Variants in ANO2 observed in about 807,000 individuals in gnomAD.
ANO2 encodes anoctamin-2.
In ANO2, 101 loss-of-function variants were observed where a neutral mutation model predicts 124.2. The ratio of observed to expected loss-of-function variants is 0.81; its 90% CI spans 0.69 to 0.96. The LOEUF is 0.96. ANO2 is among the 40% of genes least tolerant of loss of function. ANO2 has a pLI of 0.00. For synonymous variants in ANO2, 486 were observed against 482.5 expected, an observed-to-expected ratio of 1.01 and a Z score of -0.09; for missense variants, 1,293 against 1,274.5, an observed-to-expected ratio of 1.01 and a Z score of -0.22.
rs1229818376 is a variant in ANO2 at position 5,739,312 on chromosome 12, C to T, written c.1434+5G>A. ...AGTATGTGAGAAATACGTGAGAGAA[C>T]TCACTTCTTCCTCTTCTATGCCAGT... On this transcript the variant is annotated splice_donor_5th_base_variant and intron_variant, in intron 13 of 24. Transcript: ENST00000682330. The T allele has an allele frequency of 6.3e-7, 1 of 1,594,954 alleles. No individual in the cohort carries two copies. Among genetic ancestry groups the T allele is most frequent in the Non-Finnish European group, 8.5e-7 (1 of 1,169,944 alleles).
At chr12:5,926,099 G>T (rs1252199699) in intron 1 of ANO2, among the ~76,000 whole-genome samples, 5 of 152,020 alleles carry the variant, frequency 3.3e-5, no homozygotes, top group African/African-American at 9.7e-5. Context: ...AGCATTTCCT[G>T]CTCCTGCAAA....
intron 3 of ANO2, among the ~76,000 whole-genome samples, chr12:5,890,662 CAG>C (rs1440156875): frequency 4.6e-5 from 7 of 152,338 alleles, no homozygotes; most frequent in South Asian, 2.1e-4. Context: ...GCATAGGAAA[CAG>C]GGGCATCCCT....
At chr12:5,856,906 C>G (rs765618114) in intron 3 of ANO2, among the ~76,000 whole-genome samples, 4 of 152,226 alleles carry the variant, frequency 2.6e-5, no homozygotes, top group Non-Finnish European at 5.9e-5. Flanking sequence ...TGCATCTCCA[C>G]TCTCCTCAAA....
intron 14 of ANO2, among the ~76,000 whole-genome samples, chr12:5,685,870 G>A (rs149192793): frequency 3.9e-5 from 6 of 152,278 alleles, no homozygotes; most frequent in South Asian, 2.1e-4. Flanking sequence ...GAATGGTGAC[G>A]TAGGCTTCTC....
chr12:5,833,697 G>C (rs758943536), intron 4 of ANO2, among the ~76,000 whole-genome samples: 1 of 152,130 alleles, frequency 6.6e-6, no homozygotes, highest in Non-Finnish European at 1.5e-5. Context: ...TCTCATAGGA[G>C]CGTGAACCCT....
intron 10 of ANO2, among the ~76,000 whole-genome samples, chr12:5,783,001 A>G (rs1237155306): frequency 1.3e-5 from 2 of 152,212 alleles, no homozygotes; most frequent in African/African-American, 4.8e-5. Context: ...ACAATCCTCC[A>G]TGGTAGACTG....
intron 1 of ANO2, among the ~76,000 whole-genome samples, chr12:5,938,474 G>T (rs1942750297): frequency 6.6e-6 from 1 of 152,200 alleles, no homozygotes; most frequent in South Asian, 2.1e-4. Context: ...CTCCCAAAGT[G>T]CTGTGATTAT....
intron 1 of ANO2, among the ~76,000 whole-genome samples, chr12:5,943,269 G>GT (rs1942963743): frequency 1.1e-5 from 1 of 90,222 alleles, no homozygotes; most frequent in Admixed American, 1.5e-4. Context: ...CTGTGTTTGA[G>GT]TGTGTGTTTG....
intron 16 of ANO2, among the ~76,000 whole-genome samples, chr12:5,621,223 T>A (rs996022463): frequency 1.3e-5 from 2 of 152,192 alleles, no homozygotes; most frequent in African/African-American, 4.8e-5. Flanking sequence ...CAGAGAGACA[T>A]CTTCCAGGCA....
intron 3 of ANO2, among the ~76,000 whole-genome samples, chr12:5,883,609 C>G (rs1021512178): frequency 2.0e-5 from 3 of 151,710 alleles, no homozygotes; most frequent in African/African-American, 7.3e-5. Context: ...TGAGAGGTGG[C>G]CCCCATGGAG....
intron 14 of ANO2, among the ~76,000 whole-genome samples, chr12:5,657,125 C>A (rs541528344): frequency 6.6e-6 from 1 of 152,282 alleles, no homozygotes; most frequent in South Asian, 2.1e-4. Context: ...ACCAGGGCAG[C>A]TTAAATTGCA....
intron 1 of ANO2, among the ~76,000 whole-genome samples, chr12:5,933,503 T>G (rs12371081): frequency 5.9e-5 from 9 of 152,052 alleles, no homozygotes; most frequent in Admixed American, 5.9e-4. Context: ...AATGGATGGG[T>G]GGGTGGGTGG....
chr12:5,827,232 GAAAC>G (rs900482147), intron 7 of ANO2, among the ~76,000 whole-genome samples: 1 of 152,116 alleles, frequency 6.6e-6, no homozygotes, highest in African/African-American at 2.4e-5. Context: ...TAATATTTAA[GAAAC>G]AAACCACAGG....
intron 3 of ANO2, among the ~76,000 whole-genome samples, chr12:5,914,249 A>AG (rs140013172): frequency 0.013 from 1,962 of 152,036 alleles, 43 homozygotes; most frequent in African/African-American, 0.046. Flanking sequence ...TGATTTTCTC[A>AG]GTCCTCTCTG....
chr12:5,866,807 A>C (rs1955438636), intron 3 of ANO2, among the ~76,000 whole-genome samples: 2 of 152,234 alleles, frequency 1.3e-5, no homozygotes, highest in African/African-American at 4.8e-5. Context: ...GATCAACCCC[A>C]TACTTTCACC....
Position 5,750,950 on chromosome 12 carries a change from A to AT in ANO2, c.1075dup (p.Ile359AsnfsTer34), listed in dbSNP as rs1565640555. On this transcript the variant is annotated frameshift_variant, in exon 11 of 25. Coordinates refer to ENST00000682330, the MANE Select transcript of ANO2 (RefSeq NM_001364791.2). LOFTEE classifies it high-confidence loss of function. Reference sequence around the variant, plus strand: ...TCCCAGCCAGGCAAAATACAGTCCAATTTTTTCTCCAAAATACTTTCTGGA... The same window carrying AT: ...TCCCAGCCAGGCAAAATACAGTCCAATTTTTTTCTCCAAAATACTTTCTGGA... 8 of 1,603,768 alleles carry AT rather than the reference A, an allele frequency of 5.0e-6. No individual in the cohort carries two copies. Among genetic ancestry groups the AT allele is most frequent in the Admixed American group, 3.4e-5 (2 of 58,634 alleles).
chr12:5,650,965 T>G (rs1317760775), intron 14 of ANO2, among the ~76,000 whole-genome samples: 1 of 152,348 alleles, frequency 6.6e-6, no homozygotes, highest in East Asian at 1.9e-4. Flanking sequence ...TTAGCACCTC[T>G]CTCTCCTTTT....
rs148127702 is a variant in ANO2, at chr12:5,887,987, G to A, written c.534+33053C>T. ...ATTGTTCCGGGACAGACATACAGAG[G>A]TTGATTCTGTGTCCGCAATTGGTGG... On this transcript the variant is annotated intron_variant, in intron 3 of 24. Coordinates refer to ENST00000682330, the MANE Select transcript of ANO2 (RefSeq NM_001364791.2). Among the ~76,000 whole-genome samples, 28 of 152,292 alleles carry A rather than the reference G, an allele frequency of 1.8e-4. No individual in the cohort carries two copies. The East Asian group carries it at 5.2e-3, about 28-fold the overall frequency.
At chr12:5,889,847 C>A (rs1173225070) in intron 3 of ANO2, among the ~76,000 whole-genome samples, 1 of 152,222 alleles carries the variant, frequency 6.6e-6, no homozygotes. Flanking sequence ...GCACCCCGTC[C>A]AAGACCCTTT....
Sources: allele counts gnomAD v4.1 joint callset (sites outside exome capture counted in the v4.1 genomes callset), GRCh38; gene constraint gnomAD v4.1.1; transcripts MANE v1.5; gene names NCBI Gene and HGNC (gene_info 2026-07-23, HGNC 2026-07-21).